ALAS2: variants seen among roughly 807,000 people sequenced by gnomAD.
The protein encoded by ALAS2 is 5'-aminolevulinate synthase 2.
ALAS2 carries 3 observed loss-of-function variants against 33.7 expected under a neutral mutation model. The observed-to-expected ratio is 0.09, with a 90% CI of 0.04 to 0.23. The LOEUF (loss-of-function observed/expected upper bound fraction) is 0.23, where lower values mean the gene tolerates loss of function less well. Ranked by LOEUF, ALAS2 falls within the 10% of genes least tolerant of loss-of-function variation. The pLI, the probability that ALAS2 is intolerant of heterozygous loss-of-function variation, is 1.00. For synonymous variants in ALAS2, 191 were observed against 177.3 expected (o/e 1.08, Z -0.61); for missense variants, 304 against 475.1 (o/e 0.64, Z 3.35).
rs750594209 is a variant in ALAS2, at chrX:55,025,907, G to A, written c.94C>T (p.Leu32=). The A allele has an allele frequency of 3.3e-6, 4 of 1,211,727 alleles. No individual in the cohort carries two copies. The highest frequency in any genetic ancestry group is 3.4e-6 in the Non-Finnish European group (3 of 895,475). Residue 32 remains leucine (L), a synonymous_variant, in exon 2 of 11, where the codon CTG becomes TTG. Coordinates refer to ENST00000650242, the MANE Select transcript of ALAS2 (RefSeq NM_000032.5). ...LGKVVKTHQF[L]FGIGRCPILA... ...ATGGGACAGCGTCCAATACCAAACAGGAACTGGTGAGTCTTAACCACCTTG... is the reference window on the plus strand; with the variant it reads ...ATGGGACAGCGTCCAATACCAAACAAGAACTGGTGAGTCTTAACCACCTTG...
At chrX:55,020,294 G>C in intron 6 of ALAS2, 26 bp downstream of exon 6, 1 of 1,197,890 alleles carries the variant, frequency 8.3e-7, no homozygotes, top group Non-Finnish European at 1.1e-6. Flanking sequence ...TACCAGCCCT[G>C]AACAAAGCTC....
intron 9 of ALAS2, 147 bp from the exon 10 acceptor site, chrX:55,013,795 T>A: frequency 1.5e-6 from 1 of 652,584 alleles, no homozygotes; most frequent in Non-Finnish European, 2.4e-6. Flanking sequence ...TAGTGGCAGC[T>A]CCAGAATTTC....
chrX:55,021,581 C>T (rs1466465321), intron 4 of ALAS2, among the ~76,000 whole-genome samples: 3 of 112,195 alleles, frequency 2.7e-5, no homozygotes, highest in African/African-American at 9.7e-5. Flanking sequence ...TTCAGTCTCA[C>T]TGGAAGGAGT....
At position 55,020,996 on chromosome X, in the gene ALAS2, TG is replaced by T; in HGVS notation, c.638+55del. On this transcript the variant is annotated intron_variant, in intron 5 of 10. Transcript: ENST00000650242. ...CAGCTCTGCCTTTTTTTTTTTTCCA[TG>T]TGTGGTTTTTCATCTCCTCTGGCCA... 9 of 1,067,485 alleles carry T rather than the reference TG, an allele frequency of 8.4e-6. No individual in the cohort carries two copies. The Admixed American group carries it at 1.4e-4, about 16-fold the overall frequency. 88.0% of individuals were successfully genotyped at this position (1,067,485 alleles called of 1,213,427 possible). A position where few individuals can be genotyped will look rare whatever the true frequency, so the allele number is the denominator to read the frequency against.
At chrX:55,029,134 G>GA (rs1935946142) in intron 1 of ALAS2, among the ~76,000 whole-genome samples, 5 of 111,749 alleles carry the variant, frequency 4.5e-5, no homozygotes, top group Admixed American at 1.9e-4. Flanking sequence ...TTCCCATGTA[G>GA]AAAAAATGAA....
rs1270505503 is a variant in ALAS2, at chrX:55,015,544, A to T, written c.1168+34T>A. Reference sequence around the variant, plus strand: ...AATTTTGTAAGGGCCTCCTCTCTGGAGGGTATATAAGAAGGCCCAAAGCAT... The same window carrying T: ...AATTTTGTAAGGGCCTCCTCTCTGGTGGGTATATAAGAAGGCCCAAAGCAT... On this transcript the variant is annotated intron_variant, in intron 8 of 10. Transcript: ENST00000650242. The T allele has an allele frequency of 2.5e-6, 3 of 1,202,287 alleles. No individual in the cohort carries two copies. In the African/African-American group the frequency reaches 5.3e-5, roughly 21 times the overall value.
chrX:55,015,062 C>G, intron 8 of ALAS2, 47 bp from the exon 9 acceptor site: 1 of 1,173,444 alleles, frequency 8.5e-7, no homozygotes, highest in Non-Finnish European at 1.1e-6. Flanking sequence ...ATAATCAGTC[C>G]CAGAGCAACA....
At chrX:55,016,002 T>TGTGTAC (rs1557247597) in intron 7 of ALAS2, among the ~76,000 whole-genome samples, 2 of 102,816 alleles carry the variant, frequency 1.9e-5, no homozygotes, top group East Asian at 6.2e-4. Context: ...TGTGTGTGTG[T>TGTGTAC]GTGTGTGTAC....
intron 9 of ALAS2, among the ~76,000 whole-genome samples, chrX:55,014,545 A>T (rs1935666809): frequency 8.9e-6 from 1 of 112,696 alleles, no homozygotes; most frequent in Non-Finnish European, 1.9e-5. Context: ...AATAAGCATG[A>T]GGTAATGGCT....
chrX:55,017,699 G>T (rs765302638), intron 6 of ALAS2, 34 bp from the exon 7 acceptor site: 1 of 1,188,479 alleles, frequency 8.4e-7, no homozygotes. Flanking sequence ...TTAAGCTTCT[G>T]TCCCAGTACT....
At chrX:55,019,754 T>G (rs1935768283) in intron 6 of ALAS2, among the ~76,000 whole-genome samples, 1 of 111,568 alleles carries the variant, frequency 9.0e-6, no homozygotes, top group South Asian at 3.8e-4. Context: ...AGTAGGAGAC[T>G]GGGAATATGG....
intron 1 of ALAS2, among the ~76,000 whole-genome samples, chrX:55,026,523 T>A (rs759378628): frequency 8.9e-6 from 1 of 111,768 alleles, no homozygotes; most frequent in African/African-American, 3.2e-5. Flanking sequence ...AGAAGGAGCT[T>A]GAGGTCACAT....
chrX:55,028,214 G>C (rs1935925228), intron 1 of ALAS2, among the ~76,000 whole-genome samples: 1 of 111,006 alleles, frequency 9.0e-6, no homozygotes, highest in African/African-American at 3.3e-5. Context: ...AAAGTTGCCA[G>C]AGTTTATCGC....
chrX:55,027,089 G>A lies in ALAS2; in HGVS notation c.-15-1074C>T, dbSNP rs770185362. Among the ~76,000 whole-genome samples the A allele has an allele frequency of 3.6e-5, 4 of 110,074 alleles. No homozygotes were observed. In the South Asian group the frequency reaches 1.6e-3, roughly 44 times the overall value. On this transcript the variant is annotated intron_variant, in intron 1 of 10. Coordinates refer to ENST00000650242, the MANE Select transcript of ALAS2 (RefSeq NM_000032.5). ...AGAGAAAATGAAAAAAGAAAAAGGG[G>A]GTGGTGATAGTGCACACAGGGATAA...
chrX:55,012,571 G>A (rs989540220), intron 10 of ALAS2, among the ~76,000 whole-genome samples: 1 of 112,162 alleles, frequency 8.9e-6, no homozygotes, highest in African/African-American at 3.2e-5. Context: ...GGTGGATTAC[G>A]AGGTCAGGAG....
In ALAS2 at chrX:55,013,555, G is replaced by T; in HGVS notation, c.1531C>A (p.Arg511=). The T allele has an allele frequency of 6.6e-6, 8 of 1,211,128 alleles. No individual in the cohort carries two copies. The highest frequency in any genetic ancestry group is 7.8e-6 in the Non-Finnish European group (7 of 895,197). Residue 511 remains arginine, a synonymous_variant, in exon 10 of 11, where the codon CGG becomes AGG. Transcript: ENST00000650242. ...VQAINYPTVP[R]GEELLRLAPS... ...GCCAAGCGCAGGAGCTCTTCACCCC[G>T]GGGGACAGTTGGGTAGTTGATGGCC... is the stretch of plus-strand genomic sequence containing the variant.
intron 4 of ALAS2, among the ~76,000 whole-genome samples, chrX:55,022,720 G>A (rs1374324667): frequency 8.9e-6 from 1 of 111,793 alleles, no homozygotes; most frequent in African/African-American, 3.3e-5. Flanking sequence ...ATTCAAGGAT[G>A]TTTGTTGCAC....
At chrX:55,023,298 C>T (rs1935838089) in intron 4 of ALAS2, among the ~76,000 whole-genome samples, 1 of 110,071 alleles carries the variant, frequency 9.1e-6, no homozygotes, top group Non-Finnish European at 1.9e-5. Flanking sequence ...TTAAATTTCC[C>T]TCCTTATACT....
chrX:55,027,697 C>T, intron 1 of ALAS2: 4 of 1,155,863 alleles, frequency 3.5e-6, no homozygotes, highest in Non-Finnish European at 4.7e-6. Context: ...CATATGGCAA[C>T]CTCCTTCATC....
Sources: gnomAD v4.1 joint callset for allele counts (sites outside exome capture counted in the v4.1 genomes callset) on GRCh38, gnomAD v4.1.1 for gene constraint, MANE v1.5 for transcripts, NCBI Gene and HGNC (gene_info 2026-07-23, HGNC 2026-07-21) for gene names.